Variants in NME8 observed in about 807,000 individuals in gnomAD.
The protein encoded by NME8 is NME/NM23 family member 8, also known as protein NME8.
Under a neutral mutation model 82.3 loss-of-function variants are expected in NME8, and 72 were observed. The observed-to-expected ratio is 0.87, with a 90% CI of 0.72 to 1.06. NME8 has a LOEUF of 1.06. Ranked by LOEUF, NME8 falls within the 50% of genes least tolerant of loss-of-function variation. The pLI is 0.00. For synonymous variants in NME8, 267 were observed against 228.5 expected (o/e 1.17, Z -1.52); for missense variants, 712 against 685.4 (o/e 1.04, Z -0.43).
chr7:37,866,936 G>A (rs1397265870), intron 10 of NME8, among the ~76,000 whole-genome samples: 1 of 152,128 alleles, frequency 6.6e-6, no homozygotes, highest in African/African-American at 2.4e-5. Context: ...CCAGGTCTTA[G>A]GTAGATAAGA....
In NME8 at chr7:37,868,198, G is replaced by A. The variant is rs141107351; in HGVS notation, c.818+300G>A. On this transcript the variant is annotated intron_variant, in intron 11 of 17. Transcript: ENST00000199447. ...AAAGAGCACTGCAGAAGAGTGCAGC[G>A]GGGCTCCTCAGTGAGAGAGGACTGA... Among the ~76,000 whole-genome samples, 817 of 152,244 alleles carry A rather than the reference G, an allele frequency of 5.4e-3. 4 individuals carry two copies. The highest frequency in any genetic ancestry group is 9.4e-3 in the Non-Finnish European group (636 of 68,006).
chr7:37,864,278 C>T, intron 8 of NME8, 70 bp from the exon 9 acceptor site: 1 of 1,518,334 alleles, frequency 6.6e-7, no homozygotes, highest in Non-Finnish European at 9.0e-7. Flanking sequence ...TTGCTAATTG[C>T]CAGATCCTTC....
intron 15 of NME8, among the ~76,000 whole-genome samples, chr7:37,889,257 T>A (rs527353944): frequency 6.6e-6 from 1 of 151,966 alleles, no homozygotes; most frequent in African/African-American, 2.4e-5. Context: ...TTTCAGTGAT[T>A]ATTTCTACTT....
At chr7:37,853,865 T>A (rs929258054) in intron 5 of NME8, among the ~76,000 whole-genome samples, 4 of 151,476 alleles carry the variant, frequency 2.6e-5, no homozygotes, top group Non-Finnish European at 4.4e-5. Flanking sequence ...ATTAAATATT[T>A]TATATATATA....
intron 17 of NME8, among the ~76,000 whole-genome samples, chr7:37,899,496 G>A (rs560013951): frequency 7.0e-6 from 1 of 143,770 alleles, no homozygotes; most frequent in Admixed American, 6.8e-5. Context: ...ATGGACACAT[G>A]GGGGGAACAA....
chr7:37,875,796 G>A (rs372516380), intron 11 of NME8, among the ~76,000 whole-genome samples: 4 of 152,044 alleles, frequency 2.6e-5, no homozygotes, highest in Admixed American at 6.6e-5. Context: ...CCAACATAAC[G>A]GCTAAGTACC....
In NME8 at chr7:37,888,190, T is replaced by C. The variant is rs112457829; in HGVS notation, c.1248-87T>C. The C allele has an allele frequency of 1.3e-5, 17 of 1,344,900 alleles. No individual in the cohort carries two copies. In the African/African-American group the frequency reaches 1.3e-4, roughly 10 times the overall value. 83.3% of individuals were successfully genotyped at this position (1,344,900 alleles called of 1,614,324 possible). A position where few individuals can be genotyped will look rare whatever the true frequency, so the allele number is the denominator to read the frequency against. ...AAGATCTGGAATTATTTGCTGTTAT[T>C]TGATAACTTTTGAACAACTTATAGA... On this transcript the variant is annotated intron_variant, in intron 14 of 17. Transcript: ENST00000199447.
At chr7:37,864,031 T>C (rs750944232) in intron 8 of NME8, among the ~76,000 whole-genome samples, 1 of 152,238 alleles carries the variant, frequency 6.6e-6, no homozygotes, top group South Asian at 2.1e-4. Flanking sequence ...CTGGTAGTAC[T>C]GTGCTGGATG....
intron 17 of NME8, among the ~76,000 whole-genome samples, chr7:37,897,661 C>A (rs1785250659): frequency 6.6e-6 from 1 of 151,890 alleles, no homozygotes; most frequent in African/African-American, 2.4e-5. Context: ...AGGATCCTTC[C>A]CCTCACCCCC....
At chr7:37,874,905 A>G (rs1161173487) in intron 11 of NME8, among the ~76,000 whole-genome samples, 1 of 152,232 alleles carries the variant, frequency 6.6e-6, no homozygotes, top group Non-Finnish European at 1.5e-5. Context: ...TTTTCAGTAG[A>G]TAAAATGGGG....
chr7:37,882,028 G>T (rs1376252), intron 12 of NME8, among the ~76,000 whole-genome samples: 2 of 151,964 alleles, frequency 1.3e-5, no homozygotes, highest in Admixed American at 1.3e-4. Flanking sequence ...GTTGTTGGTG[G>T]TTGTGGCTTG....
In NME8 at chr7:37,862,096, G is replaced by C; in HGVS notation, c.339G>C (p.Leu113Phe). ...APLVNKKVIN[L>F]IDEERKIAAG... is the part of the protein sequence containing the mutation. ...TTGTTAATAAAAAAGTTATTAATTT[G>C]ATCGATGAGGAGAGAAAAATTGCAG... The change falls in exon 7 of 18, where the codon TTG becomes TTC. Residue 113 changes from leucine (L) to phenylalanine (F), a missense_variant. Coordinates refer to ENST00000199447, the MANE Select transcript of NME8 (RefSeq NM_016616.5). The C allele has an allele frequency of 6.2e-7, 1 of 1,613,644 alleles. No homozygotes were observed. The highest frequency in any genetic ancestry group is 8.5e-7 in the Non-Finnish European group (1 of 1,179,724).
chr7:37,888,421 A>G lies in NME8; in HGVS notation c.1392A>G (p.Glu464=), dbSNP rs767252785. The change falls in exon 15 of 18, where the codon GAA becomes GAG. Residue 464 remains glutamate (E), a synonymous_variant. Coordinates refer to ENST00000199447, the MANE Select transcript of NME8 (RefSeq NM_016616.5). ...TGATTAAACCTCATGCAACAAGTGAACAAAGAGGTAAATATTTAAGAATAA... is the reference window on the plus strand; with the variant it reads ...TGATTAAACCTCATGCAACAAGTGAGCAAAGAGGTAAATATTTAAGAATAA... The part of the protein sequence containing the change: ...LGLIKPHATS[E]QREQILKIVK... The G allele has an allele frequency of 1.9e-6, 3 of 1,612,592 alleles. No homozygotes were observed. Among genetic ancestry groups the G allele is most frequent in the Non-Finnish European group, 2.5e-6 (3 of 1,179,064 alleles).
intron 10 of NME8, among the ~76,000 whole-genome samples, chr7:37,865,927 T>C (rs994761501): frequency 6.6e-6 from 1 of 152,234 alleles, no homozygotes; most frequent in African/African-American, 2.4e-5. Context: ...CCAGTCATTT[T>C]CTATTGATTT....
intron 10 of NME8, 122 bp downstream of exon 10, chr7:37,865,739 G>T: frequency 2.9e-6 from 2 of 693,516 alleles, no homozygotes; most frequent in Admixed American, 2.2e-5. Flanking sequence ...AGCTCCTGGT[G>T]TCCCTGTTGG....
chr7:37,889,946 G>A (rs1216824683), intron 15 of NME8, among the ~76,000 whole-genome samples: 1 of 149,678 alleles, frequency 6.7e-6, no homozygotes, highest in Non-Finnish European at 1.5e-5. Context: ...TATATTTCCT[G>A]TATTTTCTGA....
intron 16 of NME8, 40 bp downstream of exon 16, chr7:37,894,650 G>A: frequency 2.0e-6 from 3 of 1,512,700 alleles, no homozygotes; most frequent in South Asian, 1.2e-5. Flanking sequence ...TATAAAAGTG[G>A]TAAATGTTCA....
chr7:37,895,764 A>G (rs899714016), intron 16 of NME8, among the ~76,000 whole-genome samples: 4 of 152,178 alleles, frequency 2.6e-5, no homozygotes, highest in Non-Finnish European at 4.4e-5. Flanking sequence ...TTGTAATGCA[A>G]TGCATTACCA....
At chr7:37,865,281 G>A (rs920892240) in intron 9 of NME8, among the ~76,000 whole-genome samples, 5 of 152,162 alleles carry the variant, frequency 3.3e-5, no homozygotes, top group Admixed American at 1.3e-4. Context: ...CATTCCAAGT[G>A]GGAGAAATTG....
Sources: allele counts gnomAD v4.1 joint callset (sites outside exome capture counted in the v4.1 genomes callset), GRCh38; gene constraint gnomAD v4.1.1; transcripts MANE v1.5; gene names NCBI Gene and HGNC (gene_info 2026-07-23, HGNC 2026-07-21).